The following NXPE2 variants were observed in gnomAD, a reference collection of about 807,000 sequenced individuals.
The protein encoded by NXPE2 is neurexophilin and PC-esterase domain family member 2.
Under a neutral mutation model 34.4 loss-of-function variants are expected in NXPE2, and 34 were observed. That is an observed-to-expected ratio of 0.99 (90% CI 0.75 to 1.31). NXPE2 has a LOEUF of 1.31. NXPE2 is among the 40% of genes most tolerant of loss of function. The probability of loss-of-function intolerance (pLI) is 0.00; values close to 1 mark genes in which losing one functional copy is unlikely to be tolerated. For missense variants in NXPE2, 649 were observed against 672.5 expected, an observed-to-expected ratio of 0.97 and a Z score of 0.39; for synonymous variants, 235 against 231.3, an observed-to-expected ratio of 1.02 and a Z score of -0.15.
the NXPE2 span, among the ~76,000 whole-genome samples, chr11:114,657,819 C>T: frequency 6.6e-6 from 1 of 152,150 alleles, no homozygotes; most frequent in African/African-American, 2.4e-5. Context: ...ACTCTTTTCA[C>T]TTACAAATCA....
At chr11:114,528,986 C>G in the NXPE2 span, 16,770 of 427,684 alleles carry the variant, frequency 0.039, 459 homozygotes, top group Non-Finnish European at 0.056. Context: ...AGAAGGGAGC[C>G]AGGGACTATA....
chr11:114,753,143 G>A, the NXPE2 span, among the ~76,000 whole-genome samples: 1 of 152,160 alleles, frequency 6.6e-6, no homozygotes, highest in Non-Finnish European at 1.5e-5. Context: ...GAAGTGGCTA[G>A]CACCTGTAGT....
the NXPE2 span, among the ~76,000 whole-genome samples, chr11:114,472,504 C>T: frequency 2.6e-5 from 4 of 152,158 alleles, no homozygotes; most frequent in Non-Finnish European, 5.9e-5. Flanking sequence ...GTGGATTGGA[C>T]AAGCTTGTTC....
the NXPE2 span, among the ~76,000 whole-genome samples, chr11:114,616,667 C>T: frequency 6.6e-6 from 1 of 151,678 alleles, no homozygotes; most frequent in African/African-American, 2.4e-5. Context: ...ACCACTGTTA[C>T]CCGTTGGATA....
At chr11:114,512,663 A>G in the NXPE2 span, 2 of 153,804 alleles carry the variant, frequency 1.3e-5, no homozygotes, top group Non-Finnish European at 2.9e-5. Flanking sequence ...TGCCATGTTC[A>G]CTGTTAATTA....
chr11:114,601,624 AT>A, the NXPE2 span, among the ~76,000 whole-genome samples: 10 of 50,646 alleles, frequency 2.0e-4, 1 homozygote, highest in South Asian at 5.9e-4. Context: ...TATATATTAT[AT>A]ATTATTTATA....
At chr11:114,513,264 C>A in the NXPE2 span, 1 of 497,648 alleles carries the variant, frequency 2.0e-6, no homozygotes, top group East Asian at 4.8e-5. Context: ...GTGCTGTGTG[C>A]AGCACTGGTG....
In NXPE2 at chr11:114,698,148, A is replaced by C; in HGVS notation, c.236A>C (p.Glu79Ala). 1 of 1,614,200 alleles carries C rather than the reference A, an allele frequency of 6.2e-7. No individual in the cohort carries two copies. Among genetic ancestry groups the C allele is most frequent in the Non-Finnish European group, 8.5e-7 (1 of 1,179,996 alleles). ...CTGTGTCCAGCAGTTTCACCAAAAG[A>C]GACTGAACTTAGAATAAAGGACATT... ...TPLCPAVSPKETELRIKDIME... is the reference protein window; with the variant it reads ...TPLCPAVSPKATELRIKDIME... Residue 79 changes from glutamate to alanine, a missense_variant, in exon 3 of 6, where the codon GAG becomes GCG. Coordinates refer to ENST00000389586, the MANE Select transcript of NXPE2 (RefSeq NM_182495.6).
chr11:114,490,933 C>G, the NXPE2 span, among the ~76,000 whole-genome samples: 1 of 151,538 alleles, frequency 6.6e-6, no homozygotes, highest in African/African-American at 2.4e-5. Context: ...GAGGCCGAGG[C>G]GGGTGGATCA....
At chr11:114,629,105 T>C in the NXPE2 span, among the ~76,000 whole-genome samples, 1 of 152,084 alleles carries the variant, frequency 6.6e-6, no homozygotes, top group African/African-American at 2.4e-5. Context: ...AAGGAGGAAC[T>C]GGTACCATTC....
the NXPE2 span, among the ~76,000 whole-genome samples, chr11:114,585,613 A>G: frequency 1.3e-3 from 203 of 152,128 alleles, 1 homozygote; most frequent in African/African-American, 3.9e-3. Context: ...GTGTGTGTAT[A>G]TATATGTATA....
chr11:114,811,935 GAATTA>G, the NXPE2 span, among the ~76,000 whole-genome samples: 1 of 152,144 alleles, frequency 6.6e-6, no homozygotes, highest in Non-Finnish European at 1.5e-5. Context: ...ACTGCTGGGA[GAATTA>G]AATTAACTAT....
At chr11:114,533,542 A>C in the NXPE2 span, among the ~76,000 whole-genome samples, 8 of 152,192 alleles carry the variant, frequency 5.3e-5, no homozygotes, top group Admixed American at 4.6e-4. Flanking sequence ...CTAGTCAAAG[A>C]AAGGGGTGAC....
the NXPE2 span, among the ~76,000 whole-genome samples, chr11:114,787,538 A>C: frequency 6.6e-6 from 1 of 152,230 alleles, no homozygotes; most frequent in South Asian, 2.1e-4. Flanking sequence ...AGCAGGGGCT[A>C]TAGCAAACAA....
chr11:114,554,046 C>T, the NXPE2 span: 8 of 985,480 alleles, frequency 8.1e-6, no homozygotes, highest in Non-Finnish European at 9.6e-6. Context: ...TTCTTCTCCC[C>T]ATCTTTGTGA....
the NXPE2 span, among the ~76,000 whole-genome samples, chr11:114,581,115 T>C: frequency 6.6e-6 from 1 of 152,210 alleles, no homozygotes; most frequent in Non-Finnish European, 1.5e-5. Context: ...TCTTTCTTTT[T>C]TTATGATTAG....
At chr11:114,573,022 A>T in the NXPE2 span, among the ~76,000 whole-genome samples, 5 of 152,358 alleles carry the variant, frequency 3.3e-5, no homozygotes, top group Admixed American at 6.5e-5. Flanking sequence ...TTCTCAGCAG[A>T]AACCCTACAA....
the NXPE2 span, among the ~76,000 whole-genome samples, chr11:114,506,652 A>T: frequency 6.6e-6 from 1 of 152,196 alleles, no homozygotes; most frequent in Non-Finnish European, 1.5e-5. Flanking sequence ...TAATGAAATT[A>T]AGGCAGAAAT....
At chr11:114,606,033 G>C in the NXPE2 span, among the ~76,000 whole-genome samples, 3 of 151,844 alleles carry the variant, frequency 2.0e-5, no homozygotes, top group African/African-American at 7.3e-5. Context: ...TTACCAGGAG[G>C]ATAATAAGGT....
Sources: allele counts gnomAD v4.1 joint callset (sites outside exome capture counted in the v4.1 genomes callset), GRCh38; gene constraint gnomAD v4.1.1; transcripts MANE v1.5; gene names NCBI Gene and HGNC (gene_info 2026-07-23, HGNC 2026-07-21).